The following RGS7 variants were observed in gnomAD, a reference collection of about 807,000 sequenced individuals.
RGS7 encodes the protein regulator of G-protein signaling 7.
A neutral mutation model predicts 81.1 loss-of-function variants in RGS7; 27 were observed. The ratio of observed to expected loss-of-function variants is 0.33; its 90% CI spans 0.25 to 0.46. RGS7 has a LOEUF of 0.46. Ranked by LOEUF, RGS7 falls within the 20% of genes least tolerant of loss-of-function variation. The pLI, the probability that RGS7 is intolerant of heterozygous loss-of-function variation, is 1.00. For synonymous variants in RGS7, 208 were observed against 207.7 expected, an observed-to-expected ratio of 1.00 and a Z score of -0.01; for missense variants, 396 against 607.4, an observed-to-expected ratio of 0.65 and a Z score of 3.66.
intron 9 of RGS7, among the ~76,000 whole-genome samples, chr1:240,831,985 G>A (rs1283537250): frequency 6.6e-6 from 1 of 151,998 alleles, no homozygotes; most frequent in Non-Finnish European, 1.5e-5. Flanking sequence ...TCCTCAACAT[G>A]GCAAACACTA....
intron 2 of RGS7, among the ~76,000 whole-genome samples, chr1:241,300,875 C>G (rs552073018): frequency 1.3e-5 from 2 of 152,170 alleles, no homozygotes; most frequent in Non-Finnish European, 2.9e-5. Flanking sequence ...GCATTTCCAC[C>G]AACAATGAAT....
At position 241,094,615 on chromosome 1, in the gene RGS7, A is replaced by C. The variant is rs7529827; in HGVS notation, c.175+4051T>G. ...AAATCAACAACTCTAAAACCAAAAC[A>C]AAAACAAAAACAAAAACAAAGAAAA... On this transcript the variant is annotated intron_variant, in intron 3 of 18. Coordinates refer to ENST00000440928, the MANE Select transcript of RGS7 (RefSeq NM_001364886.1). 3.7e-3 allele frequency among the ~76,000 whole-genome samples: 526 copies of C among 143,714 alleles called. 3 individuals carry two copies. Among genetic ancestry groups the C allele is most frequent in the African/African-American group, 0.013 (468 of 35,490 alleles). 94.3% of individuals were successfully genotyped at this position (143,714 alleles called of 152,430 possible). A position where few individuals can be genotyped will look rare whatever the true frequency, so the allele number is the denominator to read the frequency against.
In RGS7 at chr1:241,325,668, C is replaced by G. The variant is rs113621712; in HGVS notation, c.78+30031G>C. Among the ~76,000 whole-genome samples the G allele has an allele frequency of 1.9e-3, 282 of 152,280 alleles. 1 individual carries two copies. The highest frequency in any genetic ancestry group is 6.5e-3 in the African/African-American group (271 of 41,560). ...TTATACAGAGACCATTTGGCAGACT[C>G]CATGACATCATGCAGGGATTTTAGA... On this transcript the variant is annotated intron_variant, in intron 2 of 18. Transcript: ENST00000440928.
chr1:240,897,551 T>C (rs1254608955), intron 6 of RGS7, among the ~76,000 whole-genome samples: 1 of 152,016 alleles, frequency 6.6e-6, no homozygotes, highest in East Asian at 1.9e-4. Flanking sequence ...ATGTGGTTTT[T>C]GTCTTTGTTT....
At chr1:241,072,356 G>A (rs945577256) in intron 3 of RGS7, among the ~76,000 whole-genome samples, 1 of 152,152 alleles carries the variant, frequency 6.6e-6, no homozygotes, top group South Asian at 2.1e-4. Context: ...CTGGAACATG[G>A]CATGATGAGC....
chr1:241,196,062 AC>A (rs2073044574), intron 2 of RGS7, among the ~76,000 whole-genome samples: 1 of 152,164 alleles, frequency 6.6e-6, no homozygotes, highest in Non-Finnish European at 1.5e-5. Context: ...ATTTCTGAAA[AC>A]CAAAGTCAAA....
Position 241,241,873 on chromosome 1 carries a change from G to A in RGS7, c.78+113826C>T, listed in dbSNP as rs547173462. On this transcript the variant is annotated intron_variant, in intron 2 of 18. Coordinates refer to ENST00000440928, the MANE Select transcript of RGS7 (RefSeq NM_001364886.1). ...TTTTCTTACAAGTAATACTGTGTTCGCTTTTTGAAATTTCTTTTCTGAACT... is the reference window on the plus strand; with the variant it reads ...TTTTCTTACAAGTAATACTGTGTTCACTTTTTGAAATTTCTTTTCTGAACT... 1.1e-4 allele frequency among the ~76,000 whole-genome samples: 17 copies of A among 151,686 alleles called. 1 individual carries two copies. The highest frequency in any genetic ancestry group is 7.9e-4 in the Admixed American group (12 of 15,228).
intron 3 of RGS7, among the ~76,000 whole-genome samples, chr1:241,063,203 A>AT (rs2061839259): frequency 1.3e-5 from 2 of 152,212 alleles, no homozygotes; most frequent in South Asian, 4.1e-4. Context: ...TAATGACAGT[A>AT]GTTACCACTG....
At chr1:241,138,385 T>C (rs2067681236) in intron 2 of RGS7, among the ~76,000 whole-genome samples, 2 of 152,006 alleles carry the variant, frequency 1.3e-5, no homozygotes, top group Admixed American at 1.3e-4. Context: ...AGGAATATCT[T>C]CAGGATCAGG....
intron 18 of RGS7, among the ~76,000 whole-genome samples, chr1:240,777,648 A>G (rs1683203329): frequency 6.6e-6 from 1 of 152,222 alleles, no homozygotes; most frequent in Non-Finnish European, 1.5e-5. Flanking sequence ...AGGACTGGGA[A>G]GTCCAAGATC....
intron 2 of RGS7, among the ~76,000 whole-genome samples, chr1:241,333,153 G>A (rs913236246): frequency 2.0e-5 from 3 of 152,214 alleles, no homozygotes; most frequent in Admixed American, 2.0e-4. Flanking sequence ...GCCAGACCCA[G>A]GTGCTCCTTA....
At chr1:240,874,311 G>T (rs1164745449) in intron 6 of RGS7, among the ~76,000 whole-genome samples, 1 of 152,170 alleles carries the variant, frequency 6.6e-6, no homozygotes, top group Non-Finnish European at 1.5e-5. Flanking sequence ...TTGTGGGTGA[G>T]AAGAAGTGTG....
chr1:240,861,012 A>C (rs1662103996), intron 9 of RGS7, among the ~76,000 whole-genome samples: 1 of 152,174 alleles, frequency 6.6e-6, no homozygotes, highest in South Asian at 2.1e-4. Flanking sequence ...AATATTTTGC[A>C]TTAAGTTGTA....
intron 6 of RGS7, among the ~76,000 whole-genome samples, chr1:240,873,678 A>AT (rs1262651282): frequency 6.6e-6 from 1 of 152,212 alleles, no homozygotes; most frequent in Non-Finnish European, 1.5e-5. Flanking sequence ...GACAACACTG[A>AT]TGCCCATGAC....
intron 2 of RGS7, among the ~76,000 whole-genome samples, chr1:241,257,633 A>T (rs981319285): frequency 6.6e-6 from 1 of 152,180 alleles, no homozygotes; most frequent in Non-Finnish European, 1.5e-5. Context: ...TGTGAGTAAA[A>T]CATCAAGTTT....
At chr1:241,014,034 C>T (rs2059104229) in intron 3 of RGS7, among the ~76,000 whole-genome samples, 1 of 152,202 alleles carries the variant, frequency 6.6e-6, no homozygotes, top group South Asian at 2.1e-4. Flanking sequence ...AGCATCAGGG[C>T]ATTCACTTGA....
At chr1:241,145,173 T>C (rs1356272378) in intron 2 of RGS7, among the ~76,000 whole-genome samples, 2 of 151,932 alleles carry the variant, frequency 1.3e-5, no homozygotes, top group Non-Finnish European at 2.9e-5. Flanking sequence ...CCTGCCACCA[T>C]GCCCAGCTAA....
chr1:241,118,006 A>T (rs2065988616), intron 2 of RGS7, among the ~76,000 whole-genome samples: 2 of 152,238 alleles, frequency 1.3e-5, no homozygotes, highest in South Asian at 4.1e-4. Flanking sequence ...CAGCACATAC[A>T]TGTGTATTCC....
At chr1:241,020,225 A>G (rs74149585) in intron 3 of RGS7, among the ~76,000 whole-genome samples, 5,368 of 152,314 alleles carry the variant, frequency 0.035, 116 homozygotes, top group Middle Eastern at 0.068. Context: ...TTTGTCTAAT[A>G]AAACACGCAT....
Sources: gnomAD v4.1 joint callset for allele counts (sites outside exome capture counted in the v4.1 genomes callset) on GRCh38, gnomAD v4.1.1 for gene constraint, MANE v1.5 for transcripts, NCBI Gene and HGNC (gene_info 2026-07-23, HGNC 2026-07-21) for gene names.